Variants in ABCC2 observed in about 807,000 individuals in gnomAD.
ABCC2 encodes the protein ATP-binding cassette sub-family C member 2.
In ABCC2, 157 loss-of-function variants were observed where a neutral mutation model predicts 173.4. The observed-to-expected ratio is 0.91, with a 90% CI of 0.80 to 1.03. The LOEUF (loss-of-function observed/expected upper bound fraction) is 1.03. Ranked by LOEUF, ABCC2 falls within the 50% of genes least tolerant of loss-of-function variation. The pLI is 0.00. For missense variants in ABCC2, 1,822 were observed against 1,852.3 expected (o/e 0.98, Z 0.30); for synonymous variants, 657 against 693.5 (o/e 0.95, Z 0.83).
Position 99,817,519 on chromosome 10 carries a change from GGC to G in ABCC2, c.2271+36_2271+37del, listed in dbSNP as rs749250294. 98 of 1,609,978 alleles carry G rather than the reference GGC, an allele frequency of 6.1e-5. No homozygotes were observed. In the African/African-American group the frequency reaches 1.1e-3, roughly 18 times the overall value. ...ATAACAAGGGATCTTCAAGGGTGAA[GGC>G]ATATTGAAGAGAAAAAGTGAGGATG... On this transcript the variant is annotated intron_variant, in intron 17 of 31. Transcript: ENST00000647814.
chr10:99,818,139 C>A (rs1306752362), intron 17 of ABCC2, among the ~76,000 whole-genome samples: 1 of 151,842 alleles, frequency 6.6e-6, no homozygotes, highest in African/African-American at 2.4e-5. Context: ...AGGAGAATTG[C>A]TTGAACCAGG....
intron 13 of ABCC2, 151 bp downstream of exon 13, chr10:99,808,380 T>C: frequency 9.2e-7 from 1 of 1,085,366 alleles, no homozygotes; most frequent in South Asian, 1.3e-5. Context: ...GGTTTGACCT[T>C]AATAAAATCA....
At chr10:99,808,635 G>T (rs1260587633) in intron 13 of ABCC2, among the ~76,000 whole-genome samples, 2 of 152,178 alleles carry the variant, frequency 1.3e-5, no homozygotes, top group Non-Finnish European at 2.9e-5. Context: ...ATAAACCCAT[G>T]TGTTGGTCAA....
chr10:99,844,165 C>T (rs2038983459), intron 27 of ABCC2, among the ~76,000 whole-genome samples, 157 bp from the exon 28 acceptor site: 1 of 152,162 alleles, frequency 6.6e-6, no homozygotes, highest in Non-Finnish European at 1.5e-5. Flanking sequence ...AGGAACTTTC[C>T]AAAAGTGCAA....
In ABCC2 at chr10:99,835,950, A is replaced by G. The variant is rs138954518; in HGVS notation, c.3415-141A>G. 11 of 815,772 alleles carry G rather than the reference A, an allele frequency of 1.3e-5. No homozygotes were observed. The African/African-American group carries it at 1.5e-4, about 11-fold the overall frequency. The allele number at this position is 815,772 out of a possible 1,614,324, so 50.5% of individuals were successfully genotyped here. ...GCCTCTCATCATTCTGCTCCCAGAC[A>G]TGGCACTGCAGGCTTTTGTCTTGTT... On this transcript the variant is annotated intron_variant, in intron 24 of 31. Coordinates refer to ENST00000647814, the MANE Select transcript of ABCC2 (RefSeq NM_000392.5).
intron 30 of ABCC2, among the ~76,000 whole-genome samples, chr10:99,848,946 C>T (rs766334599): frequency 1.3e-5 from 2 of 152,170 alleles, no homozygotes; most frequent in Non-Finnish European, 2.9e-5. Context: ...TAACACCGGC[C>T]GGGCGCAGTG....
chr10:99,808,947 C>G (rs2038162389), intron 13 of ABCC2, among the ~76,000 whole-genome samples: 1 of 152,162 alleles, frequency 6.6e-6, no homozygotes, highest in Admixed American at 6.5e-5. Context: ...GCAGATTTGG[C>G]AGGTAAAGAA....
intron 6 of ABCC2, among the ~76,000 whole-genome samples, chr10:99,795,437 G>A (rs1447449871): frequency 1.3e-5 from 2 of 152,120 alleles, no homozygotes; most frequent in Non-Finnish European, 2.9e-5. Context: ...GGTAGCTCAT[G>A]CCTGTAATCC....
At chr10:99,786,841 A>G (rs976558251) in intron 2 of ABCC2, among the ~76,000 whole-genome samples, 2 of 152,158 alleles carry the variant, frequency 1.3e-5, no homozygotes, top group African/African-American at 4.8e-5. Context: ...CGTCTCTACT[A>G]AAAATACAAA....
At chr10:99,842,286 C>T (rs1274660057) in intron 26 of ABCC2, among the ~76,000 whole-genome samples, 193 bp downstream of exon 26, 1 of 152,148 alleles carries the variant, frequency 6.6e-6, no homozygotes, top group Non-Finnish European at 1.5e-5. Flanking sequence ...ACATGAATGC[C>T]ATCTAGAAAA....
At chr10:99,811,388 GA>G in intron 14 of ABCC2, 147 bp from the exon 15 acceptor site, 1 of 779,760 alleles carries the variant, frequency 1.3e-6, no homozygotes, top group Non-Finnish European at 2.2e-6. Context: ...CTCATTCTAG[GA>G]GATTTCATTC....
rs752853724 is a variant in ABCC2, at chr10:99,784,734, TCCAGGA to T, written c.164_169del (p.Arg55_Thr56del). 1.2e-6 allele frequency: 2 copies of T among 1,614,008 alleles called. No homozygotes were observed. Among genetic ancestry groups the T allele is most frequent in the African/African-American group, 1.3e-5 (1 of 74,888 alleles). ...CTGGCAGCTTCTCCACGTGTATAAA[TCCAGGA>T]CCAAGAGATCCTCTACCACCAAACT... is the stretch of plus-strand genomic sequence containing the variant. On this transcript the variant is annotated inframe_deletion, in exon 2 of 32. Coordinates refer to ENST00000647814, the MANE Select transcript of ABCC2 (RefSeq NM_000392.5).
At chr10:99,831,584 A>C in intron 21 of ABCC2, 27 bp from the exon 22 acceptor site, 1 of 1,597,332 alleles carries the variant, frequency 6.3e-7, no homozygotes, top group South Asian at 1.1e-5. Context: ...AGGGAGTTCT[A>C]CTAATATTGA....
At position 99,799,554 on chromosome 10, in the gene ABCC2, A is replaced by G. The variant is rs530962267; in HGVS notation, c.1031+184A>G. 1.3e-4 allele frequency among the ~76,000 whole-genome samples: 20 copies of G among 152,258 alleles called. 1 individual carries two copies. In the South Asian group the frequency reaches 3.7e-3, roughly 28 times the overall value. Reference sequence around the variant, plus strand: ...CCGCAGGCAGTTTTCAAGATGTATGATGATATGTACTTTAGCCTCTCTCTT... The same window carrying G: ...CCGCAGGCAGTTTTCAAGATGTATGGTGATATGTACTTTAGCCTCTCTCTT... On this transcript the variant is annotated intron_variant, in intron 8 of 31. Coordinates refer to ENST00000647814, the MANE Select transcript of ABCC2 (RefSeq NM_000392.5).
At chr10:99,830,285 A>G in intron 19 of ABCC2, 22 bp from the exon 20 acceptor site, 1 of 1,614,016 alleles carries the variant, frequency 6.2e-7, no homozygotes, top group African/African-American at 1.3e-5. Flanking sequence ...CTCTTTCCCT[A>G]ACCTCTACTG....
intron 12 of ABCC2, 138 bp from the exon 13 acceptor site, chr10:99,807,945 G>A: frequency 9.2e-7 from 1 of 1,090,608 alleles, no homozygotes; most frequent in South Asian, 1.3e-5. Flanking sequence ...CCTGGGCTCA[G>A]TTTTCTCATC....
At chr10:99,809,092 C>T (rs893463539) in intron 13 of ABCC2, among the ~76,000 whole-genome samples, 2 of 152,202 alleles carry the variant, frequency 1.3e-5, no homozygotes, top group Admixed American at 1.3e-4. Context: ...TGGGCTCACA[C>T]CTGTAATCCC....
chr10:99,817,414 T>C lies in ABCC2; in HGVS notation c.2201T>C (p.Leu734Pro), dbSNP rs745982246. Residue 734 changes from leucine to proline, a missense_variant, in exon 17 of 32, where the codon CTG becomes CCG. Leu to Pro is a moderately conservative substitution (Grantham distance 98). Coordinates refer to ENST00000647814, the MANE Select transcript of ABCC2 (RefSeq NM_000392.5). ...AATGAAAAGAGGTACCAGCAAGTAC[T>C]GGAGGCCTGTGCTCTCCTCCCAGAC... is the stretch of plus-strand genomic sequence containing the variant. Reference protein sequence around the residue: ...EFNEKRYQQVLEACALLPDLE... With the variant: ...EFNEKRYQQVPEACALLPDLE... 2.5e-6 allele frequency: 4 copies of C among 1,614,046 alleles called. No homozygotes were observed. The East Asian group carries it at 8.9e-5, about 36-fold the overall frequency.
chr10:99,844,550 C>T (rs942505322), intron 28 of ABCC2, 85 bp downstream of exon 28: 23 of 1,562,138 alleles, frequency 1.5e-5, no homozygotes, highest in African/African-American at 2.7e-5. Context: ...GGGCCCTAAG[C>T]CTTCATCATT....
Sources: gnomAD v4.1 joint callset for allele counts (sites outside exome capture counted in the v4.1 genomes callset) on GRCh38, gnomAD v4.1.1 for gene constraint, MANE v1.5 for transcripts, NCBI Gene and HGNC (gene_info 2026-07-23, HGNC 2026-07-21) for gene names.